Variants in TBC1D19 observed in about 807,000 individuals in gnomAD.
The protein encoded by TBC1D19 is TBC1 domain family, member 19.
In TBC1D19, 60 loss-of-function variants were observed where a neutral mutation model predicts 89.0. The observed-to-expected ratio is 0.67, with a 90% confidence interval of 0.55 to 0.84. The LOEUF (loss-of-function observed/expected upper bound fraction) is 0.84, where lower values mean the gene tolerates loss of function less well. TBC1D19 is among the 40% of genes least tolerant of loss of function. The probability of loss-of-function intolerance (pLI) is 0.00; values close to 1 mark genes in which losing one functional copy is unlikely to be tolerated. For missense variants in TBC1D19, 500 were observed against 610.8 expected, an observed-to-expected ratio of 0.82 and a Z score of 1.91; for synonymous variants, 189 against 199.7, an observed-to-expected ratio of 0.95 and a Z score of 0.45.
chr4:26,599,683 C>T (rs112631050), intron 1 of TBC1D19, among the ~76,000 whole-genome samples: 3,249 of 152,166 alleles, frequency 0.021, 109 homozygotes, highest in African/African-American at 0.073. Flanking sequence ...CAGTGGCTCA[C>T]GCCTGTAATC....
intron 9 of TBC1D19, among the ~76,000 whole-genome samples, chr4:26,668,355 T>C (rs1711996059): frequency 6.6e-6 from 1 of 152,016 alleles, no homozygotes; most frequent in Non-Finnish European, 1.5e-5. Flanking sequence ...TATACTGTAT[T>C]TTTAAACTAC....
At chr4:26,771,644 C>T in the TBC1D19 span, among the ~76,000 whole-genome samples, 1 of 152,030 alleles carries the variant, frequency 6.6e-6, no homozygotes, top group African/African-American at 2.4e-5. Flanking sequence ...TGGCTGTTGC[C>T]AGGGGATGGG....
intron 15 of TBC1D19, 23 bp downstream of exon 15, chr4:26,720,148 C>T (rs1368266022): frequency 4.5e-6 from 7 of 1,559,780 alleles, no homozygotes; most frequent in Non-Finnish European, 6.1e-6. Flanking sequence ...CTATTGCTTC[C>T]TCTAGTGGGA....
chr4:26,808,328 C>T, the TBC1D19 span, among the ~76,000 whole-genome samples: 5 of 152,194 alleles, frequency 3.3e-5, no homozygotes. Context: ...CTGTGAGTCT[C>T]CCTCTGCGTA....
Position 26,748,422 on chromosome 4 carries a change from C to A in TBC1D19, c.1331C>A (p.Ser444Ter). The A allele has an allele frequency of 6.2e-7, 1 of 1,612,830 alleles. No individual in the cohort carries two copies. The highest frequency in any genetic ancestry group is 1.1e-5 in the South Asian group (1 of 90,922). Residue 444 changes from serine to a stop codon, truncating the protein, a stop_gained, in exon 19 of 21, where the codon TCA becomes TAA. Coordinates refer to ENST00000264866, the MANE Select transcript of TBC1D19 (RefSeq NM_018317.4). LOFTEE classifies it high-confidence loss of function. ...TTCCTTGCTTATAGACTTCGCATAT[C>A]ATTTAAGTGGATGGTTCGAGCTTTC... ...REIGAQPLRI[S>*]FKWMVRAFSG...
intron 19 of TBC1D19, among the ~76,000 whole-genome samples, chr4:26,750,363 G>C (rs1718881597): frequency 6.6e-6 from 1 of 152,088 alleles, no homozygotes; most frequent in Non-Finnish European, 1.5e-5. Flanking sequence ...TTTAAAAGGA[G>C]GGCTCAGTCT....
chr4:26,618,970 T>A (rs894569878), intron 3 of TBC1D19, among the ~76,000 whole-genome samples: 10 of 152,214 alleles, frequency 6.6e-5, no homozygotes, highest in African/African-American at 2.4e-4. Flanking sequence ...TTACTAAATG[T>A]AAGCTCCATG....
chr4:26,701,029 C>G (rs1161019371), intron 13 of TBC1D19, among the ~76,000 whole-genome samples: 2 of 152,196 alleles, frequency 1.3e-5, no homozygotes, highest in Non-Finnish European at 2.9e-5. Context: ...CCCTGACACT[C>G]TGGCATTCTA....
chr4:26,624,892 G>A (rs748006582), intron 4 of TBC1D19, among the ~76,000 whole-genome samples: 4 of 151,860 alleles, frequency 2.6e-5, no homozygotes, highest in African/African-American at 7.3e-5. Flanking sequence ...AGGAAGTTTC[G>A]TCCACGCACT....
chr4:26,776,300 T>TACTAATAATGAAA, the TBC1D19 span, among the ~76,000 whole-genome samples: 1 of 152,310 alleles, frequency 6.6e-6, no homozygotes, highest in Non-Finnish European at 1.5e-5. Context: ...TTTTTCTGCA[T>TACTAATAATGAAA]ACTAATAATA....
chr4:26,802,519 T>C, the TBC1D19 span, among the ~76,000 whole-genome samples: 1 of 152,052 alleles, frequency 6.6e-6, no homozygotes, highest in Non-Finnish European at 1.5e-5. Flanking sequence ...CAAGAGTTGC[T>C]TGAACCTGGG....
At chr4:26,782,714 G>C in the TBC1D19 span, among the ~76,000 whole-genome samples, 5 of 151,572 alleles carry the variant, frequency 3.3e-5, 1 homozygote, top group East Asian at 9.7e-4. Flanking sequence ...AGAAGAAAAG[G>C]ATGTATGGAT....
rs1717270688 is a variant in TBC1D19, at chr4:26,725,715, G to T, written c.1084+5590G>T. Among the ~76,000 whole-genome samples, 3 of 152,070 alleles carry T rather than the reference G, an allele frequency of 2.0e-5. No homozygotes were observed. The South Asian group carries it at 6.2e-4, about 31-fold the overall frequency. On this transcript the variant is annotated intron_variant, in intron 15 of 20. Transcript: ENST00000264866. ...AGCATGAACCACCATGCCCAACCCT[G>T]ATTAATACTTCTAAACGATCATCCT...
At chr4:26,760,985 T>G (rs1578028135), downstream of TBC1D19, among the ~76,000 whole-genome samples, 1 of 152,184 alleles carries the variant, frequency 6.6e-6, no homozygotes, top group Non-Finnish European at 1.5e-5. Flanking sequence ...CTTTTCCCTT[T>G]CACATCAGTA....
In TBC1D19 at chr4:26,614,442, T is replaced by C. The variant is rs1741554329; in HGVS notation, c.207T>C (p.Ser69=). The C allele has an allele frequency of 1.9e-6, 3 of 1,591,306 alleles. No individual in the cohort carries two copies. The East Asian group carries it at 6.8e-5, about 36-fold the overall frequency. Residue 69 remains serine, a synonymous_variant, in exon 3 of 21, where the codon AGT becomes AGC. Transcript: ENST00000264866. ...AGAAACTTCAGAATGCTGTTTATAG[T>C]GAACTGAGTGTGTGAGTTTTCCCAC... ...WEKKLQNAVY[S]ELSVFPLPSH...
rs1740171746 is a variant in TBC1D19, at chr4:26,595,854, C to T, written c.99+11562C>T. Among the ~76,000 whole-genome samples, 3 of 152,166 alleles carry T rather than the reference C, an allele frequency of 2.0e-5. No individual in the cohort carries two copies. The South Asian group carries it at 6.2e-4, about 31-fold the overall frequency. ...CACCAATACCACACTGGCTTGATTG[C>T]ATACCTTTATAAGTCTTGAAGTTGG... On this transcript the variant is annotated intron_variant, in intron 1 of 20. Coordinates refer to ENST00000264866, the MANE Select transcript of TBC1D19 (RefSeq NM_018317.4).
chr4:26,653,503 A>T (rs1296535248), intron 7 of TBC1D19, among the ~76,000 whole-genome samples: 3 of 152,046 alleles, frequency 2.0e-5, no homozygotes, highest in Non-Finnish European at 2.9e-5. Flanking sequence ...ATTGTGTGGG[A>T]GTCTAAGTCT....
chr4:26,614,417 A>T lies in TBC1D19; in HGVS notation c.182A>T (p.Lys61Met). ...TTTTTTTAAAAAACAGGTTGGGAGA[A>T]GAAACTTCAGAATGCTGTTTATAGT... ...KEFFKISGWE[K>M]KLQNAVYSEL... The change falls in exon 3 of 21, where the codon AAG (lysine) becomes ATG (methionine). Residue 61 changes from lysine to methionine, a missense_variant. By Grantham distance (95) the Lys-to-Met change is moderately conservative. Coordinates refer to ENST00000264866, the MANE Select transcript of TBC1D19 (RefSeq NM_018317.4). 6.3e-7 allele frequency: 1 copy of T among 1,592,368 alleles called. No individual in the cohort carries two copies. The highest frequency in any genetic ancestry group is 8.5e-7 in the Non-Finnish European group (1 of 1,170,620).
At chr4:26,687,264 T>G (rs1713894019) in intron 12 of TBC1D19, among the ~76,000 whole-genome samples, 1 of 152,222 alleles carries the variant, frequency 6.6e-6, no homozygotes, top group African/African-American at 2.4e-5. Flanking sequence ...ACTCTTTATC[T>G]GATACTGTGC....
Sources: gnomAD v4.1 joint callset for allele counts (sites outside exome capture counted in the v4.1 genomes callset) on GRCh38, gnomAD v4.1.1 for gene constraint, MANE v1.5 for transcripts, NCBI Gene and HGNC (gene_info 2026-07-23, HGNC 2026-07-21) for gene names.